ZNF569: variants seen among roughly 807,000 people sequenced by gnomAD.
The protein encoded by ZNF569 is zinc finger protein 569, also known as DNA-binding protein.
Under a neutral mutation model 56.3 loss-of-function variants are expected in ZNF569, and 38 were observed. The ratio of observed to expected loss-of-function variants is 0.68; its 90% CI spans 0.52 to 0.88. ZNF569 has a LOEUF of 0.88. Among genes scored for constraint, ZNF569 ranks in the 40% least tolerant of loss-of-function variants. The probability of loss-of-function intolerance (pLI) is 0.00; values close to 1 mark genes in which losing one functional copy is unlikely to be tolerated. For synonymous variants in ZNF569, 241 were observed against 262.9 expected (o/e 0.92, Z 0.81); for missense variants, 666 against 809.2 (o/e 0.82, Z 2.15).
intron 3 of ZNF569, among the ~76,000 whole-genome samples, chr19:37,436,234 T>G (rs978805531): frequency 6.6e-5 from 10 of 152,118 alleles, no homozygotes; most frequent in African/African-American, 4.8e-5. Flanking sequence ...TGCTCCTGAA[T>G]GATCACTAGG....
At chr19:37,454,723 G>T (rs952667191) in intron 2 of ZNF569, 1 of 651,500 alleles carries the variant, frequency 1.5e-6, no homozygotes, top group South Asian at 1.7e-5. Flanking sequence ...ACAAGAGACT[G>T]CAACCCCCAC....
chr19:37,424,815 C>CA (rs71177448), intron 5 of ZNF569, among the ~76,000 whole-genome samples: 1,753 of 32,210 alleles, frequency 0.054, 151 homozygotes, highest in African/African-American at 0.11. Flanking sequence ...GACTCTGTCT[C>CA]AAAAAAAAAA....
upstream of ZNF569, chr19:37,468,165 C>T: frequency 3.6e-6 from 2 of 557,634 alleles, no homozygotes; most frequent in East Asian, 3.0e-5. Flanking sequence ...TGGCTCACTG[C>T]AGCCTCGAAC....
chr19:37,429,977 G>T (rs1453320040), intron 3 of ZNF569, among the ~76,000 whole-genome samples: 1 of 152,202 alleles, frequency 6.6e-6, no homozygotes, highest in Non-Finnish European at 1.5e-5. Flanking sequence ...AGGATCACTT[G>T]AGGCTAGGAG....
At chr19:37,421,161 G>A (rs1005241793) in intron 5 of ZNF569, among the ~76,000 whole-genome samples, 1 of 152,156 alleles carries the variant, frequency 6.6e-6, no homozygotes, top group Non-Finnish European at 1.5e-5. Flanking sequence ...TATAGAGCAC[G>A]AGCAGGGTGT....
At chr19:37,417,508 C>A (rs2040954085) in intron 5 of ZNF569, among the ~76,000 whole-genome samples, 1 of 150,804 alleles carries the variant, frequency 6.6e-6, no homozygotes, top group Non-Finnish European at 1.5e-5. Flanking sequence ...CTCGGCCTCT[C>A]AAAGTGCTGG....
rs190270449 is a variant in ZNF569 at position 37,413,092 on chromosome 19, A to G, written c.1566T>C (p.Tyr522=). 60 of 1,613,790 alleles carry G rather than the reference A, an allele frequency of 3.7e-5. 1 individual carries two copies. In the South Asian group the frequency reaches 5.8e-4, roughly 16 times the overall value. The part of the protein sequence containing the change: ...HQKVHTGEKP[Y]DCNECGKAFS... ...AGGCTTTACCACATTCATTACAATC[A>G]TAAGGTTTCTCTCCAGTATGAACTT... The change falls in exon 6 of 6, where the codon TAT becomes TAC. Residue 522 remains tyrosine (Y), a synonymous_variant. Coordinates refer to ENST00000316950, the MANE Select transcript of ZNF569 (RefSeq NM_152484.3).
chr19:37,412,914 C>T lies in ZNF569; in HGVS notation c.1744G>A (p.Glu582Lys). The T allele has an allele frequency of 6.2e-7, 1 of 1,614,018 alleles. No individual in the cohort carries two copies. The highest frequency in any genetic ancestry group is 8.5e-7 in the Non-Finnish European group (1 of 1,179,948). The change falls in exon 6 of 6, where the codon GAA (glutamate) becomes AAA (lysine). Residue 582 changes from glutamate to lysine, a missense_variant. Transcript: ENST00000316950. ...HTGEKPYVCN[E>K]CGKAFSQRTS... is the part of the protein sequence containing the mutation. ...CTTTGAGAGAAGGCTTTCCCACATT[C>T]ATTACATACATAGGGCTTCTCACCT...
intron 2 of ZNF569, among the ~76,000 whole-genome samples, chr19:37,455,364 T>C (rs938170855): frequency 3.3e-5 from 5 of 152,186 alleles, no homozygotes; most frequent in Non-Finnish European, 5.9e-5. Flanking sequence ...GTTATATTCA[T>C]AACAAATGTT....
chr19:37,454,733 C>T, intron 2 of ZNF569: 2 of 663,318 alleles, frequency 3.0e-6, no homozygotes, highest in South Asian at 1.6e-5. Context: ...GCAACCCCCA[C>T]CTCCCTAATT....
At chr19:37,445,126 T>C (rs1240009706) in intron 2 of ZNF569, among the ~76,000 whole-genome samples, 162 bp from the exon 3 acceptor site, 2 of 152,158 alleles carry the variant, frequency 1.3e-5, no homozygotes, top group African/African-American at 2.4e-5. Context: ...GGTGTGAGGA[T>C]GATTGGAATA....
chr19:37,413,018 T>C lies in ZNF569; in HGVS notation c.1640A>G (p.Glu547Gly). 6.2e-7 allele frequency: 1 copy of C among 1,613,944 alleles called. No individual in the cohort carries two copies. Among genetic ancestry groups the C allele is most frequent in the Non-Finnish European group, 8.5e-7 (1 of 1,179,920 alleles). ...LTLHLRSHTG[E>G]KPYECDKCGK... ...ACATTTATCACATTCATAAGGCTTT[T>C]CCCCTGTATGACTTCTCAAATGAAG... Residue 547 changes from glutamate (E) to glycine (G), a missense_variant, in exon 6 of 6, where the codon GAA becomes GGA. Coordinates refer to ENST00000316950, the MANE Select transcript of ZNF569 (RefSeq NM_152484.3).
intron 2 of ZNF569, 70 bp from the exon 3 acceptor site, chr19:37,445,034 G>T (rs2041469897): frequency 1.7e-6 from 2 of 1,180,954 alleles, no homozygotes; most frequent in Non-Finnish European, 2.4e-6. Context: ...ACACAGGGTG[G>T]ATTAAAGGTC....
rs1222230861 is a variant in ZNF569 at position 37,425,943 on chromosome 19, C to A, written c.163G>T (p.Asp55Tyr). 3.7e-6 allele frequency: 6 copies of A among 1,613,952 alleles called. No homozygotes were observed. The highest frequency in any genetic ancestry group is 5.1e-6 in the Non-Finnish European group (6 of 1,179,948). ...ITVGYPFTKP[D>Y]VIFKLEQEEE... The stretch of plus-strand genomic sequence containing the variant: ...TCTTGCTCCAATTTGAAAATCACAT[C>A]AGGTTTGGTGAACGGATAGCCTGTC... Residue 55 changes from aspartate to tyrosine, a missense_variant, in exon 5 of 6, where the codon GAT (aspartate) becomes TAT (tyrosine). By Grantham distance (160) the Asp-to-Tyr change is radical. Transcript: ENST00000316950.
At chr19:37,438,258 T>C (rs990365948) in intron 3 of ZNF569, among the ~76,000 whole-genome samples, 4 of 152,062 alleles carry the variant, frequency 2.6e-5, no homozygotes, top group Non-Finnish European at 4.4e-5. Context: ...TTAGGCATGG[T>C]GGTGTGCACC....
At chr19:37,437,593 CAAA>C (rs903447497) in intron 3 of ZNF569, among the ~76,000 whole-genome samples, 1 of 151,864 alleles carries the variant, frequency 6.6e-6, no homozygotes, top group Non-Finnish European at 1.5e-5. Context: ...AAGACTCCAG[CAAA>C]AAAAGTACCA....
intron 2 of ZNF569, among the ~76,000 whole-genome samples, chr19:37,463,990 G>A (rs1284769531): frequency 6.6e-6 from 1 of 152,002 alleles, no homozygotes; most frequent in Admixed American, 6.5e-5. Flanking sequence ...AAATTTAAAA[G>A]TTCATGAAGT....
At position 37,413,010 on chromosome 19, in the gene ZNF569, A is replaced by G; in HGVS notation, c.1648T>C (p.Tyr550His). Residue 550 changes from tyrosine to histidine, a missense_variant, in exon 6 of 6, where the codon TAT becomes CAT. Coordinates refer to ENST00000316950, the MANE Select transcript of ZNF569 (RefSeq NM_152484.3). ...HLRSHTGEKP[Y>H]ECDKCGKAFS... Reference sequence around the variant, plus strand: ...GCTTTACCACATTTATCACATTCATAAGGCTTTTCCCCTGTATGACTTCTC... The same window carrying G: ...GCTTTACCACATTTATCACATTCATGAGGCTTTTCCCCTGTATGACTTCTC... 1 of 1,613,870 alleles carries G rather than the reference A, an allele frequency of 6.2e-7. No individual in the cohort carries two copies. Among genetic ancestry groups the G allele is most frequent in the Non-Finnish European group, 8.5e-7 (1 of 1,179,902 alleles).
chr19:37,455,249 G>A (rs2146964357), intron 2 of ZNF569, among the ~76,000 whole-genome samples: 1 of 152,328 alleles, frequency 6.6e-6, no homozygotes, highest in African/African-American at 2.4e-5. Context: ...AAGCAAAGCA[G>A]TAGCAATTGG....
Sources: gnomAD v4.1 joint callset for allele counts (sites outside exome capture counted in the v4.1 genomes callset) on GRCh38, gnomAD v4.1.1 for gene constraint, MANE v1.5 for transcripts, NCBI Gene and HGNC (gene_info 2026-07-23, HGNC 2026-07-21) for gene names.